Variants in SPATA6 observed in about 807,000 individuals in gnomAD.
The protein encoded by SPATA6 is spermatogenesis associated 6, also known as spermatogenesis-associated protein 6.
In SPATA6, 56 loss-of-function variants were observed where a neutral mutation model predicts 65.3. The ratio of observed to expected loss-of-function variants is 0.86; its 90% CI spans 0.69 to 1.07. The LOEUF is 1.07. Ranked by LOEUF, SPATA6 falls within the 50% of genes least tolerant of loss-of-function variation. The pLI is 0.00. For synonymous variants in SPATA6, 199 were observed against 213.2 expected (o/e 0.93, Z 0.58); for missense variants, 590 against 594.8 (o/e 0.99, Z 0.08).
rs201841004 is a variant in SPATA6 at position 48,400,820 on chromosome 1, A to G, written c.487-1176T>C. The G allele has an allele frequency of 6.5e-5, 84 of 1,294,238 alleles. No individual in the cohort carries two copies. The Middle Eastern group carries it at 8.6e-4, about 13-fold the overall frequency. 80.2% of individuals were successfully genotyped at this position (1,294,238 alleles called of 1,614,324 possible). ...CTTTCCTTCTTCTGTAGTTCATGGT[A>G]TGCTTCTGGACCTTCTCCACCTTGT... On this transcript the variant is annotated intron_variant, in intron 6 of 12. Transcript: ENST00000371847.
chr1:48,330,764 T>C (rs1645892860), intron 11 of SPATA6, among the ~76,000 whole-genome samples: 1 of 152,184 alleles, frequency 6.6e-6, no homozygotes, highest in African/African-American at 2.4e-5. Context: ...CAATACCCAG[T>C]AAGAGTTTCC....
chr1:48,290,865 CA>C (rs951449407), downstream of SPATA6, among the ~76,000 whole-genome samples: 2 of 152,140 alleles, frequency 1.3e-5, no homozygotes, highest in African/African-American at 4.8e-5. Context: ...TAGAGACCTA[CA>C]AAGAGACTTA....
At chr1:48,361,868 A>G (rs527642070) in intron 9 of SPATA6, among the ~76,000 whole-genome samples, 1 of 152,314 alleles carries the variant, frequency 6.6e-6, no homozygotes, top group African/African-American at 2.4e-5. Flanking sequence ...ACAACAAATA[A>G]TAAGTCAGTG....
At chr1:48,325,322 G>A (rs1000995966) in intron 11 of SPATA6, 5 of 1,247,250 alleles carry the variant, frequency 4.0e-6, no homozygotes, top group African/African-American at 1.5e-5. Flanking sequence ...TGTGTGTAGG[G>A]CACAGGCCCC....
At chr1:48,362,904 T>A (rs77320797) in intron 9 of SPATA6, among the ~76,000 whole-genome samples, 6,200 of 152,286 alleles carry the variant, frequency 0.041, 167 homozygotes, top group Non-Finnish European at 0.061. Context: ...TCTTAAATGC[T>A]GTAACTCAAC....
At chr1:48,271,536 A>G in the SPATA6 span, among the ~76,000 whole-genome samples, 2 of 152,114 alleles carry the variant, frequency 1.3e-5, no homozygotes, top group African/African-American at 4.8e-5. Context: ...TCCAAATAGA[A>G]ATAGGCTTTG....
intron 9 of SPATA6, among the ~76,000 whole-genome samples, chr1:48,365,382 C>G (rs1384277837): frequency 6.6e-6 from 1 of 152,134 alleles, no homozygotes; most frequent in Non-Finnish European, 1.5e-5. Context: ...CTGTAAATTA[C>G]TTTGGGCAGT....
chr1:48,381,618 AATG>A (rs1370639301), intron 9 of SPATA6, among the ~76,000 whole-genome samples: 1 of 150,434 alleles, frequency 6.6e-6, no homozygotes, highest in African/African-American at 2.4e-5. Context: ...GTACATAAAC[AATG>A]ATATTTTAAG....
At chr1:48,454,570 T>C (rs1446027127) in intron 1 of SPATA6, among the ~76,000 whole-genome samples, 4 of 152,208 alleles carry the variant, frequency 2.6e-5, no homozygotes, top group Non-Finnish European at 5.9e-5. Context: ...GTAATTATGG[T>C]ACAAATCATT....
chr1:48,301,729 T>C (rs1056982997), intron 12 of SPATA6, among the ~76,000 whole-genome samples: 16 of 152,010 alleles, frequency 1.1e-4, no homozygotes, highest in African/African-American at 3.9e-4. Flanking sequence ...AATCCACACA[T>C]TTACAGTAAA....
At position 48,317,210 on chromosome 1, in the gene SPATA6, G is replaced by T. The variant is rs528518440; in HGVS notation, c.1195-11332C>A. Among the ~76,000 whole-genome samples the T allele has an allele frequency of 9.9e-5, 15 of 152,198 alleles. No homozygotes were observed. The South Asian group carries it at 2.7e-3, about 27-fold the overall frequency. ...CCCAAAGGATTATAAATCATGCTGT[G>T]ATAAAGACACATGCACACATATGTT... On this transcript the variant is annotated intron_variant, in intron 11 of 12. Coordinates refer to ENST00000371847, the MANE Select transcript of SPATA6 (RefSeq NM_019073.4).
intron 3 of SPATA6, chr1:48,435,914 T>A: frequency 6.5e-7 from 1 of 1,537,518 alleles, no homozygotes; most frequent in Non-Finnish European, 9.0e-7. Context: ...AACAAAAGCC[T>A]TCTTTGGAAT....
intron 5 of SPATA6, among the ~76,000 whole-genome samples, chr1:48,409,359 C>G (rs1651999870): frequency 6.6e-6 from 1 of 152,252 alleles, no homozygotes; most frequent in African/African-American, 2.4e-5. Context: ...GGCAGCTCCG[C>G]CCCTGTGGCT....
chr1:48,272,356 C>T, the SPATA6 span, among the ~76,000 whole-genome samples: 5 of 152,142 alleles, frequency 3.3e-5, no homozygotes, highest in African/African-American at 9.7e-5. Flanking sequence ...TCCTTCTCCC[C>T]TCAATCCCTG....
intron 9 of SPATA6, among the ~76,000 whole-genome samples, chr1:48,366,138 T>C (rs1412034075): frequency 6.6e-6 from 1 of 152,254 alleles, no homozygotes; most frequent in Non-Finnish European, 1.5e-5. Context: ...ATCCCAGGGA[T>C]GAAGCCCACT....
chr1:48,347,528 A>G (rs1646404116), intron 11 of SPATA6, among the ~76,000 whole-genome samples: 1 of 140,420 alleles, frequency 7.1e-6, no homozygotes, highest in African/African-American at 2.8e-5. Flanking sequence ...GTATTAAATT[A>G]ATTATAGTAA....
At chr1:48,333,367 A>C (rs1645969360) in intron 11 of SPATA6, among the ~76,000 whole-genome samples, 1 of 152,150 alleles carries the variant, frequency 6.6e-6, no homozygotes, top group Non-Finnish European at 1.5e-5. Flanking sequence ...CCACAGACTG[A>C]AGGCTGCACT....
chr1:48,340,484 T>C (rs1227930616), intron 11 of SPATA6, among the ~76,000 whole-genome samples: 1 of 150,904 alleles, frequency 6.6e-6, no homozygotes, highest in African/African-American at 2.4e-5. Context: ...GCAAATGCTC[T>C]AATCTAGAAT....
chr1:48,298,675 A>G lies in SPATA6; in HGVS notation c.*38T>C, dbSNP rs1240516207. ...TCACATCAAACATTTTCATTGAGAAATTGACACGGACACTAATGAGGTTTA... is the reference window on the plus strand; with the variant it reads ...TCACATCAAACATTTTCATTGAGAAGTTGACACGGACACTAATGAGGTTTA... On this transcript the variant is annotated 3_prime_UTR_variant, in exon 13 of 13. Coordinates refer to ENST00000371847, the MANE Select transcript of SPATA6 (RefSeq NM_019073.4). 2 of 1,546,366 alleles carry G rather than the reference A, an allele frequency of 1.3e-6. No homozygotes were observed. Among genetic ancestry groups the G allele is most frequent in the African/African-American group, 1.4e-5 (1 of 72,590 alleles).
Sources: gnomAD v4.1 joint callset for allele counts (sites outside exome capture counted in the v4.1 genomes callset) on GRCh38, gnomAD v4.1.1 for gene constraint, MANE v1.5 for transcripts, NCBI Gene and HGNC (gene_info 2026-07-23, HGNC 2026-07-21) for gene names.